ZNF737: variants seen among roughly 807,000 people sequenced by gnomAD.
The protein encoded by ZNF737 is zinc finger protein 102 (Y3).
A neutral mutation model predicts 11.7 loss-of-function variants in ZNF737; 13 were observed. The observed-to-expected ratio is 1.11, with a 90% CI of 0.73 to 1.77. ZNF737 has a LOEUF of 1.77. Ranked by LOEUF, ZNF737 falls within the 40% of genes most tolerant of loss-of-function variation. The pLI, the probability that ZNF737 is intolerant of heterozygous loss-of-function variation, is 0.00. For synonymous variants in ZNF737, 217 were observed against 216.2 expected, an observed-to-expected ratio of 1.00 and a Z score of -0.03; for missense variants, 636 against 638.0, an observed-to-expected ratio of 1.00 and a Z score of 0.03.
chr19:20,545,936 C>T lies in ZNF737; in HGVS notation c.267G>A (p.Gln89=). The T allele has an allele frequency of 6.4e-7, 1 of 1,568,320 alleles. No homozygotes were observed. Among genetic ancestry groups the T allele is most frequent in the Non-Finnish European group, 8.6e-7 (1 of 1,162,472 alleles). ...SHFARDLWPE[Q]SIKDSFQKVT... is the part of the protein sequence containing the mutation. ...CTTTTTGGAAAGAATCTTTTATGCT[C>T]TGCTCTGGCCAAAGATCTCGGGCAA... Residue 89 remains glutamine, a synonymous_variant, in exon 4 of 4, where the codon CAG becomes CAA. Coordinates refer to ENST00000427401, the MANE Select transcript of ZNF737 (RefSeq NM_001159293.2).
At position 20,542,604 on chromosome 19, in the gene ZNF737, T is replaced by A; in HGVS notation, c.*1988A>T. On this transcript the variant is annotated 3_prime_UTR_variant, in exon 4 of 4. Coordinates refer to ENST00000427401, the MANE Select transcript of ZNF737 (RefSeq NM_001159293.2). ...AGTAAAGTAATATACTCATTTATTT[T>A]AATATACTTTTAATTATTTCTTTGT... The A allele has an allele frequency of 1.0e-6, 1 of 971,584 alleles. No homozygotes were observed. The highest frequency in any genetic ancestry group is 1.2e-6 in the Non-Finnish European group (1 of 817,420). The allele number at this position is 971,584 out of a possible 1,614,324, so 60.2% of individuals were successfully genotyped here.
At chr19:20,554,002 C>T (rs1365170716) in intron 1 of ZNF737, among the ~76,000 whole-genome samples, 167 bp from the exon 2 acceptor site, 3 of 152,138 alleles carry the variant, frequency 2.0e-5, no homozygotes, top group Non-Finnish European at 2.9e-5. Flanking sequence ...CTAAAGTATT[C>T]TCTGAGAAAA....
chr19:20,539,747 A>T lies in ZNF737; in HGVS notation c.*4845T>A. On this transcript the variant is annotated 3_prime_UTR_variant, in exon 4 of 4. Coordinates refer to ENST00000427401, the MANE Select transcript of ZNF737 (RefSeq NM_001159293.2). ...GACAATTAGGTATACTTTTTGAAGT[A>T]AGTTCAATTTTAGGACATTACCCAC... is the stretch of plus-strand genomic sequence containing the variant. 1 of 985,170 alleles carries T rather than the reference A, an allele frequency of 1.0e-6. No homozygotes were observed. Among genetic ancestry groups the T allele is most frequent in the South Asian group, 4.7e-5 (1 of 21,272 alleles). 61.0% of individuals were successfully genotyped at this position (985,170 alleles called of 1,614,324 possible).
intron 1 of ZNF737, among the ~76,000 whole-genome samples, chr19:20,555,838 T>A (rs1968869312): frequency 6.6e-6 from 1 of 152,056 alleles, no homozygotes; most frequent in Non-Finnish European, 1.5e-5. Flanking sequence ...TTTTTTTTTG[T>A]TCTCCTATCT....
chr19:20,555,412 G>A (rs1015860023), intron 1 of ZNF737, among the ~76,000 whole-genome samples: 1 of 151,914 alleles, frequency 6.6e-6, no homozygotes. Context: ...TCAATCTCCT[G>A]ACCTCGGGAT....
rs1462317341 is a variant in ZNF737 at position 20,542,618 on chromosome 19, T to G, written c.*1974A>C. 2 of 973,018 alleles carry G rather than the reference T, an allele frequency of 2.1e-6. No individual in the cohort carries two copies. Among genetic ancestry groups the G allele is most frequent in the Non-Finnish European group, 2.4e-6 (2 of 818,672 alleles). The allele number at this position is 973,018 out of a possible 1,614,324, so 60.3% of individuals were successfully genotyped here. ...CTCATTTATTTTAATATACTTTTAA[T>G]TATTTCTTTGTGTCACTATAATAAA... On this transcript the variant is annotated 3_prime_UTR_variant, in exon 4 of 4. Coordinates refer to ENST00000427401, the MANE Select transcript of ZNF737 (RefSeq NM_001159293.2).
downstream of ZNF737, among the ~76,000 whole-genome samples, chr19:20,530,852 T>C (rs1273327154): frequency 6.8e-6 from 1 of 148,006 alleles, no homozygotes; most frequent in Admixed American, 6.7e-5. Context: ...CTGCAATCTC[T>C]GCACTTTGGG....
rs968387828 is a variant in ZNF737 at position 20,546,287 on chromosome 19, T to C, written c.227-311A>G. 5.9e-5 allele frequency among the ~76,000 whole-genome samples: 9 copies of C among 152,334 alleles called. No homozygotes were observed. In the East Asian group the frequency reaches 1.4e-3, roughly 23 times the overall value. On this transcript the variant is annotated intron_variant, in intron 3 of 3. Transcript: ENST00000427401. The stretch of plus-strand genomic sequence containing the variant: ...GCTCTTCCTGCTCTCCAGTATAATA[T>C]TGTGCCTTTAAAAGTAAATTTCCAG...
Position 20,542,167 on chromosome 19 carries a change from T to G in ZNF737, c.*2425A>C. 1 of 984,972 alleles carries G rather than the reference T, an allele frequency of 1.0e-6. No individual in the cohort carries two copies. The highest frequency in any genetic ancestry group is 4.7e-5 in the South Asian group (1 of 21,254). 61.0% of individuals were successfully genotyped at this position (984,972 alleles called of 1,614,324 possible). On this transcript the variant is annotated 3_prime_UTR_variant, in exon 4 of 4. Transcript: ENST00000427401. ...AGTTAGTGGCACAATAATGGTTCATTAAACGCACGGTAGTCTTACCATGGT... is the reference window on the plus strand; with the variant it reads ...AGTTAGTGGCACAATAATGGTTCATGAAACGCACGGTAGTCTTACCATGGT...
downstream of ZNF737, among the ~76,000 whole-genome samples, chr19:20,533,034 T>C (rs1224712144): frequency 6.7e-6 from 1 of 150,252 alleles, no homozygotes; most frequent in African/African-American, 2.5e-5. Flanking sequence ...AGAGAAAGAA[T>C]AAGTATTCTC....
chr19:20,539,251 T>C lies in ZNF737; in HGVS notation c.*5341A>G, dbSNP rs2144579714. The C allele has an allele frequency of 2.2e-6, 2 of 911,616 alleles. No individual in the cohort carries two copies. The highest frequency in any genetic ancestry group is 6.2e-5 in the Admixed American group (1 of 16,162). The allele number at this position is 911,616 out of a possible 1,614,324, so 56.5% of individuals were successfully genotyped here. A position where few individuals can be genotyped will look rare whatever the true frequency, so the allele number is the denominator to read the frequency against. On this transcript the variant is annotated 3_prime_UTR_variant, in exon 4 of 4. Coordinates refer to ENST00000427401, the MANE Select transcript of ZNF737 (RefSeq NM_001159293.2). ...GTTGCAGTGAGCTGAGCACGTACCA[T>C]TGCAGTGCAGCGTGAGTGACAGAGT...
intron 3 of ZNF737, among the ~76,000 whole-genome samples, chr19:20,550,867 CCCCT>C (rs1307406412): frequency 2.6e-5 from 4 of 152,210 alleles, no homozygotes; most frequent in Non-Finnish European, 5.9e-5. Flanking sequence ...AACTACAGTA[CCCCT>C]GTTCATGGCT....
Position 20,539,392 on chromosome 19 carries a change from A to T in ZNF737, c.*5200T>A. 1.0e-6 allele frequency: 1 copy of T among 985,410 alleles called. No individual in the cohort carries two copies. The highest frequency in any genetic ancestry group is 1.2e-6 in the Non-Finnish European group (1 of 829,908). 61.0% of individuals were successfully genotyped at this position (985,410 alleles called of 1,614,324 possible). A position where few individuals can be genotyped will look rare whatever the true frequency, so the allele number is the denominator to read the frequency against. ...TTTAGCCAGGATTTCAGATTTCAAA[A>T]GGTCAAAAACAATCATTGAGCAAAG... On this transcript the variant is annotated 3_prime_UTR_variant, in exon 4 of 4. Coordinates refer to ENST00000427401, the MANE Select transcript of ZNF737 (RefSeq NM_001159293.2).
At chr19:20,546,147 A>G (rs1555757029) in intron 3 of ZNF737, among the ~76,000 whole-genome samples, 171 bp from the exon 4 acceptor site, 1 of 152,226 alleles carries the variant, frequency 6.6e-6, no homozygotes, top group Non-Finnish European at 1.5e-5. Context: ...GGACTGCCCA[A>G]AATACATTTG....
intron 1 of ZNF737, among the ~76,000 whole-genome samples, chr19:20,558,591 A>G (rs568101690): frequency 6.6e-6 from 1 of 152,274 alleles, no homozygotes; most frequent in African/African-American, 2.4e-5. Context: ...CCATCCAAGT[A>G]CTAGGAAACT....
At chr19:20,546,524 C>T (rs1968461992) in intron 3 of ZNF737, among the ~76,000 whole-genome samples, 1 of 152,190 alleles carries the variant, frequency 6.6e-6, no homozygotes, top group Admixed American at 6.5e-5. Context: ...ACAAAACTCT[C>T]CAGTCAAAAC....
chr19:20,540,376 C>T lies in ZNF737; in HGVS notation c.*4216G>A, dbSNP rs1968152609. 6.6e-6 allele frequency among the ~76,000 whole-genome samples: 1 copy of T among 152,066 alleles called. No homozygotes were observed. The highest frequency in any genetic ancestry group is 2.4e-5 in the African/African-American group (1 of 41,412). On this transcript the variant is annotated 3_prime_UTR_variant, in exon 4 of 4. Transcript: ENST00000427401. ...CACAGTCACACATTTTTTTTACACT[C>T]AAGAGGAAAGTATGACACAGCACGT...
rs782339943 is a variant in ZNF737, at chr19:20,545,228, G to A, written c.975C>T (p.Pro325=). The A allele has an allele frequency of 5.0e-6, 8 of 1,613,788 alleles. No individual in the cohort carries two copies. The highest frequency in any genetic ancestry group is 6.8e-6 in the Non-Finnish European group (8 of 1,179,972). The part of the protein sequence containing the change: ...CEECGKAFKH[P]SVLTTHKRIH... The stretch of plus-strand genomic sequence containing the variant: ...TTCTTTTATGTGTAGTAAGGACAGA[G>A]GGGTGCTTAAAGGCTTTGCCACATT... The change falls in exon 4 of 4, where the codon CCC becomes CCT. Residue 325 remains proline (P), a synonymous_variant. Transcript: ENST00000427401.
chr19:20,535,981 CT>C, downstream of ZNF737: 1 of 740,206 alleles, frequency 1.4e-6, no homozygotes, highest in Non-Finnish European at 1.6e-6. Context: ...GTTATATTTT[CT>C]TTTATTTTCC....
Sources: allele counts gnomAD v4.1 joint callset (sites outside exome capture counted in the v4.1 genomes callset), GRCh38; gene constraint gnomAD v4.1.1; transcripts MANE v1.5; gene names NCBI Gene and HGNC (gene_info 2026-07-23, HGNC 2026-07-21).